Variants in TPTE2 observed in about 807,000 individuals in gnomAD.
The protein encoded by TPTE2 is transmembrane phosphoinositide 3-phosphatase and tensin homolog 2.
TPTE2 carries 53 observed loss-of-function variants against 78.6 expected under a neutral mutation model. That is an observed-to-expected ratio of 0.67 (90% confidence interval 0.54 to 0.85). The LOEUF is 0.85. Among genes scored for constraint, TPTE2 ranks in the 40% least tolerant of loss-of-function variants. The probability of loss-of-function intolerance (pLI) is 0.00; values close to 1 mark genes in which losing one functional copy is unlikely to be tolerated. For synonymous variants in TPTE2, 175 were observed against 206.2 expected (o/e 0.85, Z 1.30); for missense variants, 461 against 623.0 (o/e 0.74, Z 2.77).
At chr13:19,483,886 G>C (rs576651968) in intron 3 of TPTE2, among the ~76,000 whole-genome samples, 5 of 151,762 alleles carry the variant, frequency 3.3e-5, no homozygotes, top group African/African-American at 9.7e-5. Flanking sequence ...CCATTAACTC[G>C]TCATTTACAT....
At chr13:19,546,483 CTTTTT>C in the TPTE2 span, among the ~76,000 whole-genome samples, 9 of 85,042 alleles carry the variant, frequency 1.1e-4, no homozygotes, top group South Asian at 5.1e-4. Context: ...TTTTCTTTTT[CTTTTT>C]TTTTTTTTTT....
At chr13:19,525,477 G>C (rs540737356) in intron 1 of TPTE2, among the ~76,000 whole-genome samples, 158 of 152,246 alleles carry the variant, frequency 1.0e-3, no homozygotes, top group Middle Eastern at 3.4e-3. Context: ...ATGGTGCTGG[G>C]ATAACTGACT....
chr13:19,451,094 C>A, intron 11 of TPTE2, 71 bp downstream of exon 14: 2 of 1,564,106 alleles, frequency 1.3e-6, no homozygotes, highest in Non-Finnish European at 1.7e-6. Flanking sequence ...ATCTAAAAAG[C>A]AAAATCATCT....
intron 13 of TPTE2, among the ~76,000 whole-genome samples, chr13:19,444,922 C>A (rs1877731877): frequency 6.6e-6 from 1 of 152,088 alleles, no homozygotes; most frequent in African/African-American, 2.4e-5. Context: ...AACTGGATAG[C>A]CATACATGAA....
chr13:19,427,079 C>CTTTTTTTTTTTTTT (rs55904352), intron 17 of TPTE2, among the ~76,000 whole-genome samples: 3 of 67,292 alleles, frequency 4.5e-5, no homozygotes, highest in Non-Finnish European at 7.9e-5. Flanking sequence ...CTTTTCTTTT[C>CTTTTTTTTTTTTTT]TTTTTTTTTT....
rs149145054 is a variant in TPTE2 at position 19,477,673 on chromosome 13, G to T, written c.180-2050C>A. 6.4e-3 allele frequency among the ~76,000 whole-genome samples: 980 copies of T among 152,304 alleles called. 12 individuals are homozygous for T. The highest frequency in any genetic ancestry group is 0.023 in the African/African-American group (955 of 41,570). ...AATGTCACCATACAGAACCAAGTCT[G>T]ACAGATTATGAAGGCATGAAGAAGT... On this transcript the variant is annotated intron_variant, in intron 4 of 19. Coordinates refer to ENST00000400230, the Ensembl canonical transcript of TPTE2.
At chr13:19,482,887 T>A (rs1030088991) in intron 3 of TPTE2, among the ~76,000 whole-genome samples, 1 of 151,766 alleles carries the variant, frequency 6.6e-6, no homozygotes, top group Non-Finnish European at 1.5e-5. Context: ...ATCAAAGACA[T>A]TGTGGGTTTC....
chr13:19,501,571 A>T (rs1457431056), intron 1 of TPTE2, among the ~76,000 whole-genome samples: 1 of 151,466 alleles, frequency 6.6e-6, no homozygotes, highest in African/African-American at 2.4e-5. Flanking sequence ...CTATTTAATA[A>T]ATGGTGCTGG....
At chr13:19,556,882 A>G in the TPTE2 span, among the ~76,000 whole-genome samples, 1 of 149,940 alleles carries the variant, frequency 6.7e-6, no homozygotes, top group East Asian at 2.0e-4. Flanking sequence ...ATTTGTATTG[A>G]GTTTCTTCAT....
chr13:19,482,501 C>G (rs747510861), exon 4 of TPTE2: 1 of 1,612,008 alleles, frequency 6.2e-7, no homozygotes, highest in East Asian at 2.2e-5. Context: ...TATGAAGCAA[C>G]ATTTTCAGCA....
chr13:19,431,805 A>T (rs1265351649), intron 16 of TPTE2, among the ~76,000 whole-genome samples: 1 of 137,824 alleles, frequency 7.3e-6, no homozygotes, highest in East Asian at 2.1e-4. Context: ...AGCACCCAGC[A>T]CTGGCACCAT....
chr13:19,474,653 C>T (rs1426319123), intron 5 of TPTE2, among the ~76,000 whole-genome samples: 2 of 152,196 alleles, frequency 1.3e-5, no homozygotes, highest in African/African-American at 4.8e-5. Context: ...CTCTAAAGTA[C>T]TTCCTGCCAC....
chr13:19,541,411 A>G (rs1236417441), upstream of TPTE2, among the ~76,000 whole-genome samples: 2 of 152,230 alleles, frequency 1.3e-5, no homozygotes, highest in African/African-American at 4.8e-5. Flanking sequence ...ACTTGGGGTT[A>G]CTATAGAGTG....
At chr13:19,430,918 G>A (rs748993060) in intron 16 of TPTE2, among the ~76,000 whole-genome samples, 1 of 152,104 alleles carries the variant, frequency 6.6e-6, no homozygotes, top group Admixed American at 6.6e-5. Flanking sequence ...CTTGAGGTCA[G>A]GAGTTCTAAA....
chr13:19,444,686 G>C (rs1877717835), intron 13 of TPTE2, among the ~76,000 whole-genome samples: 1 of 152,098 alleles, frequency 6.6e-6, no homozygotes, highest in Admixed American at 6.5e-5. Context: ...TGTGTAATTT[G>C]ACTAGTTGAT....
chr13:19,497,165 G>A (rs988606738), intron 1 of TPTE2, among the ~76,000 whole-genome samples: 22 of 151,536 alleles, frequency 1.5e-4, no homozygotes, highest in African/African-American at 4.6e-4. Flanking sequence ...ACGGAGTCTC[G>A]CTGATTGCTA....
At chr13:19,461,880 G>T (rs1192794243) in intron 10 of TPTE2, among the ~76,000 whole-genome samples, 1 of 149,302 alleles carries the variant, frequency 6.7e-6, no homozygotes, top group Non-Finnish European at 1.5e-5. Context: ...CTTCCAGTCT[G>T]TATGAACCTT....
At chr13:19,499,944 G>A (rs1288822102) in intron 1 of TPTE2, among the ~76,000 whole-genome samples, 6 of 142,606 alleles carry the variant, frequency 4.2e-5, no homozygotes, top group South Asian at 2.2e-4. Flanking sequence ...TCTATTAAAC[G>A]CAATAAAAAA....
chr13:19,454,261 C>T (rs1878394526), intron 10 of TPTE2, among the ~76,000 whole-genome samples: 1 of 152,184 alleles, frequency 6.6e-6, no homozygotes, highest in South Asian at 2.1e-4. Flanking sequence ...ACTTGATTCC[C>T]TTTTAAGAAT....
Sources: allele counts gnomAD v4.1 joint callset (sites outside exome capture counted in the v4.1 genomes callset), GRCh38; gene constraint gnomAD v4.1.1; transcripts MANE v1.5; gene names NCBI Gene and HGNC (gene_info 2026-07-23, HGNC 2026-07-21).